The following MGAT4C variants were observed in gnomAD, a reference collection of about 807,000 sequenced individuals.
MGAT4C encodes the protein MGAT4 family member C.
A neutral mutation model predicts 40.1 loss-of-function variants in MGAT4C; 19 were observed. The ratio of observed to expected loss-of-function variants is 0.47; its 90% CI spans 0.33 to 0.70. MGAT4C has a LOEUF of 0.70. MGAT4C is among the 30% of genes least tolerant of loss of function. MGAT4C has a pLI of 0.02. For missense variants in MGAT4C, 491 were observed against 563.2 expected, an observed-to-expected ratio of 0.87 and a Z score of 1.30; for synonymous variants, 181 against 187.1, an observed-to-expected ratio of 0.97 and a Z score of 0.27.
intron 3 of MGAT4C, among the ~76,000 whole-genome samples, chr12:86,336,463 GTGCAAGGTATGCCT>G (rs1954795557): frequency 6.6e-6 from 1 of 152,160 alleles, no homozygotes; most frequent in Non-Finnish European, 1.5e-5. Context: ...ATTCAGTGCT[GTGCAAGGTATGCCT>G]TGATAATACC....
intron 1 of MGAT4C, among the ~76,000 whole-genome samples, chr12:86,729,139 T>A (rs1323780923): frequency 6.6e-6 from 1 of 152,180 alleles, no homozygotes; most frequent in Non-Finnish European, 1.5e-5. Flanking sequence ...TAGATGCTAT[T>A]ATATTTGCTA....
At chr12:86,522,345 A>G (rs1958809272) in intron 2 of MGAT4C, among the ~76,000 whole-genome samples, 1 of 152,128 alleles carries the variant, frequency 6.6e-6, no homozygotes, top group Admixed American at 6.6e-5. Flanking sequence ...TCTTCTCCAC[A>G]TCTATTGAGA....
At chr12:86,148,134 G>A (rs61932271) in intron 1 of MGAT4C, among the ~76,000 whole-genome samples, 12,021 of 152,180 alleles carry the variant, frequency 0.079, 657 homozygotes, top group Middle Eastern at 0.23. Context: ...ATTAAATGGC[G>A]CATTTTTAAA....
At chr12:86,196,723 G>A (rs766706269) in intron 1 of MGAT4C, among the ~76,000 whole-genome samples, 2 of 152,186 alleles carry the variant, frequency 1.3e-5, no homozygotes, top group Non-Finnish European at 2.9e-5. Context: ...TTCCATCTCC[G>A]TTCCTGTCCT....
intron 1 of MGAT4C, among the ~76,000 whole-genome samples, chr12:86,079,159 T>C (rs1424754905): frequency 6.6e-6 from 1 of 152,120 alleles, no homozygotes; most frequent in Non-Finnish European, 1.5e-5. Flanking sequence ...TGGAATGCCC[T>C]GGTTGAAAGG....
At chr12:86,578,097 C>A (rs1960634419) in intron 2 of MGAT4C, among the ~76,000 whole-genome samples, 2 of 151,636 alleles carry the variant, frequency 1.3e-5, no homozygotes, top group African/African-American at 2.4e-5. Flanking sequence ...TCATTATATC[C>A]TCCAAATGGC....
chr12:86,398,204 T>A (rs907747134), intron 3 of MGAT4C, among the ~76,000 whole-genome samples: 1 of 152,144 alleles, frequency 6.6e-6, no homozygotes, highest in African/African-American at 2.4e-5. Flanking sequence ...CCAGAATGAA[T>A]GTTTTAGCAG....
chr12:86,750,421 G>T (rs139914793), intron 1 of MGAT4C, among the ~76,000 whole-genome samples: 406 of 151,900 alleles, frequency 2.7e-3, no homozygotes, highest in African/African-American at 9.5e-3. Flanking sequence ...TTTTAAACTA[G>T]ATCTGCTTTA....
At chr12:86,436,258 C>A (rs1397461450) in intron 2 of MGAT4C, among the ~76,000 whole-genome samples, 1 of 151,684 alleles carries the variant, frequency 6.6e-6, no homozygotes, top group Non-Finnish European at 1.5e-5. Context: ...TGCAACAAAA[C>A]AATTTTGTGC....
At chr12:86,458,793 T>A (rs563175959) in intron 2 of MGAT4C, among the ~76,000 whole-genome samples, 1 of 152,314 alleles carries the variant, frequency 6.6e-6, no homozygotes, top group Non-Finnish European at 1.5e-5. Flanking sequence ...AAGATATTTA[T>A]ATGAACATTT....
At chr12:86,007,001 C>A (rs1238547759) in intron 2 of MGAT4C, among the ~76,000 whole-genome samples, 1 of 152,090 alleles carries the variant, frequency 6.6e-6, no homozygotes, top group African/African-American at 2.4e-5. Flanking sequence ...CTTTCTTTAA[C>A]AGCATCTAAG....
intron 1 of MGAT4C, among the ~76,000 whole-genome samples, chr12:86,192,201 C>T (rs1171154390): frequency 6.6e-6 from 1 of 151,638 alleles, no homozygotes; most frequent in East Asian, 1.9e-4. Flanking sequence ...ATGTAACAAA[C>T]CTGCATGTTG....
At chr12:86,013,721 A>G (rs913226945) in intron 2 of MGAT4C, 6 of 985,142 alleles carry the variant, frequency 6.1e-6, no homozygotes, top group Non-Finnish European at 7.2e-6. Context: ...AACAAAAAGA[A>G]CATACGGCTT....
At chr12:86,508,585 G>A (rs1301850100) in intron 2 of MGAT4C, among the ~76,000 whole-genome samples, 25 of 151,740 alleles carry the variant, frequency 1.6e-4, no homozygotes, top group Non-Finnish European at 2.7e-4. Flanking sequence ...GTAATGGGAT[G>A]GCTGGGTCAA....
intron 1 of MGAT4C, among the ~76,000 whole-genome samples, chr12:86,103,541 G>A (rs1165231327): frequency 1.3e-5 from 2 of 152,168 alleles, no homozygotes; most frequent in Non-Finnish European, 2.9e-5. Context: ...CCACCTTGCT[G>A]ATGTCTTGAT....
chr12:86,836,965 AAGAG>A (rs1242467412), intron 1 of MGAT4C, among the ~76,000 whole-genome samples: 3 of 151,994 alleles, frequency 2.0e-5, no homozygotes, highest in African/African-American at 4.8e-5. Flanking sequence ...AAAAATAGAA[AAGAG>A]AGAGAGAGGA....
intron 4 of MGAT4C, among the ~76,000 whole-genome samples, chr12:86,318,739 C>G (rs1247734016): frequency 6.6e-6 from 1 of 151,956 alleles, no homozygotes; most frequent in Non-Finnish European, 1.5e-5. Context: ...TATATCCCTT[C>G]TCAGTATTCA....
intron 2 of MGAT4C, among the ~76,000 whole-genome samples, chr12:86,526,451 G>A (rs192644435): frequency 6.6e-6 from 1 of 152,286 alleles, no homozygotes; most frequent in Non-Finnish European, 1.5e-5. Context: ...TGAGGACAGA[G>A]CAGGTCAGCT....
intron 2 of MGAT4C, among the ~76,000 whole-genome samples, chr12:86,723,764 C>T (rs1278219481): frequency 6.6e-6 from 1 of 152,118 alleles, no homozygotes; most frequent in African/African-American, 2.4e-5. Flanking sequence ...TTTTTTCTAA[C>T]AGTTTAATTT....
Sources: allele counts gnomAD v4.1 joint callset (sites outside exome capture counted in the v4.1 genomes callset), GRCh38; gene constraint gnomAD v4.1.1; transcripts MANE v1.5; gene names NCBI Gene and HGNC (gene_info 2026-07-23, HGNC 2026-07-21).